Variants in GRXCR1 observed in about 807,000 individuals in gnomAD.
GRXCR1 encodes glutaredoxin and cysteine rich domain containing 1.
Under a neutral mutation model 27.3 loss-of-function variants are expected in GRXCR1, and 27 were observed. The ratio of observed to expected loss-of-function variants is 0.99; its 90% CI spans 0.73 to 1.37. GRXCR1 has a LOEUF of 1.37. Among genes scored for constraint, GRXCR1 ranks in the 40% most tolerant of loss-of-function variants. GRXCR1 has a pLI of 0.00. For synonymous variants in GRXCR1, 122 were observed against 131.1 expected (o/e 0.93, Z 0.47); for missense variants, 379 against 354.4 (o/e 1.07, Z -0.56).
intron 2 of GRXCR1, among the ~76,000 whole-genome samples, chr4:43,013,740 T>C (rs1459038675): frequency 6.6e-6 from 1 of 152,222 alleles, no homozygotes; most frequent in African/African-American, 2.4e-5. Context: ...AACAGTCTTC[T>C]GGTTTTATCT....
intron 2 of GRXCR1, among the ~76,000 whole-genome samples, chr4:42,968,595 T>G (rs1008704930): frequency 6.6e-6 from 1 of 152,098 alleles, no homozygotes; most frequent in African/African-American, 2.4e-5. Flanking sequence ...CTAGGACCAC[T>G]TTCTAATTTT....
chr4:43,017,281 T>C (rs1712959093), intron 2 of GRXCR1, among the ~76,000 whole-genome samples: 1 of 152,026 alleles, frequency 6.6e-6, no homozygotes, highest in Admixed American at 6.6e-5. Flanking sequence ...AGACTAGGAG[T>C]TCTCTGTACC....
At chr4:43,013,938 G>A (rs1469728545) in intron 2 of GRXCR1, among the ~76,000 whole-genome samples, 1 of 151,458 alleles carries the variant, frequency 6.6e-6, no homozygotes, top group Admixed American at 6.6e-5. Flanking sequence ...GCCTCTATGG[G>A]AAATTGTTCT....
At chr4:42,956,282 AG>A (rs1341729211) in intron 1 of GRXCR1, among the ~76,000 whole-genome samples, 1 of 152,044 alleles carries the variant, frequency 6.6e-6, no homozygotes, top group Non-Finnish European at 1.5e-5. Context: ...CAGACCCCAA[AG>A]GCTTCTCAGT....
intron 1 of GRXCR1, among the ~76,000 whole-genome samples, chr4:42,905,395 T>G (rs1746562994): frequency 6.6e-6 from 1 of 152,216 alleles, no homozygotes; most frequent in Non-Finnish European, 1.5e-5. Flanking sequence ...TTAATACCTT[T>G]CCATGCCAAT....
chr4:42,910,159 G>A (rs1451949390), intron 1 of GRXCR1, among the ~76,000 whole-genome samples: 7 of 152,012 alleles, frequency 4.6e-5, no homozygotes, highest in Admixed American at 2.0e-4. Context: ...CAGATCTCAC[G>A]AGAACTCACT....
intron 2 of GRXCR1, among the ~76,000 whole-genome samples, chr4:42,963,659 C>A (rs184696593): frequency 6.6e-6 from 1 of 151,934 alleles, no homozygotes; most frequent in African/African-American, 2.4e-5. Flanking sequence ...TTCAGGCTTA[C>A]GGTAAGCAGA....
At chr4:43,015,575 T>G (rs1234686021) in intron 2 of GRXCR1, among the ~76,000 whole-genome samples, 1 of 152,098 alleles carries the variant, frequency 6.6e-6, no homozygotes, top group East Asian at 1.9e-4. Context: ...CTTAGAAAAC[T>G]GTTTCATCTA....
chr4:43,022,668 A>G (rs753544287), intron 3 of GRXCR1, among the ~76,000 whole-genome samples: 1 of 152,212 alleles, frequency 6.6e-6, no homozygotes, highest in Non-Finnish European at 1.5e-5. Context: ...CCTGAGAGGT[A>G]GCTGGAGTTT....
In GRXCR1 at chr4:42,928,616, G is replaced by T. The variant is rs567931535; in HGVS notation, c.385-34276G>T. Reference sequence around the variant, plus strand: ...TACTCACAGGTTTTAGAGATAGGAGGCACTGCCTGCCTTGCAAAAGCACAT... The same window carrying T: ...TACTCACAGGTTTTAGAGATAGGAGTCACTGCCTGCCTTGCAAAAGCACAT... On this transcript the variant is annotated intron_variant, in intron 1 of 3. Coordinates refer to ENST00000399770, the MANE Select transcript of GRXCR1 (RefSeq NM_001080476.3). Among the ~76,000 whole-genome samples the T allele has an allele frequency of 1.3e-4, 20 of 152,134 alleles. No homozygotes were observed. In the South Asian group the frequency reaches 4.2e-3, roughly 32 times the overall value.
intron 3 of GRXCR1, among the ~76,000 whole-genome samples, chr4:43,025,832 C>T (rs1169596396): frequency 1.3e-5 from 2 of 151,936 alleles, no homozygotes; most frequent in East Asian, 1.9e-4. Context: ...AAAAATTAGC[C>T]GGGCAGGGTG....
intron 3 of GRXCR1, among the ~76,000 whole-genome samples, chr4:43,026,259 A>T (rs543594867): frequency 1.9e-4 from 29 of 152,272 alleles, no homozygotes; most frequent in African/African-American, 7.0e-4. Context: ...CATCCAATAT[A>T]ACCCAACTGG....
intron 1 of GRXCR1, among the ~76,000 whole-genome samples, chr4:42,904,074 A>G (rs894538036): frequency 6.6e-6 from 1 of 152,178 alleles, no homozygotes; most frequent in East Asian, 1.9e-4. Flanking sequence ...TCTGTACTAG[A>G]CATCATTCAG....
intron 2 of GRXCR1, among the ~76,000 whole-genome samples, chr4:43,011,715 T>C (rs1001667345): frequency 6.6e-6 from 1 of 152,170 alleles, no homozygotes; most frequent in Non-Finnish European, 1.5e-5. Flanking sequence ...TTGAGCAACA[T>C]ATGACTTGTT....
At chr4:42,905,394 T>A (rs1746562937) in intron 1 of GRXCR1, among the ~76,000 whole-genome samples, 1 of 152,240 alleles carries the variant, frequency 6.6e-6, no homozygotes, top group Admixed American at 6.5e-5. Context: ...TTTAATACCT[T>A]TCCATGCCAA....
chr4:42,983,321 C>T (rs1577931389), intron 2 of GRXCR1, among the ~76,000 whole-genome samples: 1 of 144,926 alleles, frequency 6.9e-6, no homozygotes, highest in South Asian at 2.3e-4. Flanking sequence ...GAATCCTTTC[C>T]CCATTGCTTG....
intron 2 of GRXCR1, among the ~76,000 whole-genome samples, chr4:43,007,370 G>A (rs1712596407): frequency 6.6e-6 from 1 of 152,194 alleles, no homozygotes; most frequent in African/African-American, 2.4e-5. Flanking sequence ...GGTAGGGTTA[G>A]AGAGTTAGAC....
intron 2 of GRXCR1, among the ~76,000 whole-genome samples, chr4:43,019,691 A>G: frequency 6.6e-6 from 1 of 152,192 alleles, no homozygotes. Context: ...GTAATGTTTT[A>G]GAAGTTAAAA....
At chr4:43,004,588 G>C (rs115001384) in intron 2 of GRXCR1, among the ~76,000 whole-genome samples, 144 of 152,290 alleles carry the variant, frequency 9.5e-4, no homozygotes, top group African/African-American at 3.3e-3. Context: ...GACCTTGGGA[G>C]CCCACCCTTT....
Sources: allele counts gnomAD v4.1 joint callset (sites outside exome capture counted in the v4.1 genomes callset), GRCh38; gene constraint gnomAD v4.1.1; transcripts MANE v1.5; gene names NCBI Gene and HGNC (gene_info 2026-07-23, HGNC 2026-07-21).